RAD18: variants seen among roughly 807,000 people sequenced by gnomAD.
RAD18 encodes the protein E3 ubiquitin-protein ligase RAD18.
Under a neutral mutation model 60.4 loss-of-function variants are expected in RAD18, and 47 were observed. The observed-to-expected ratio is 0.78, with a 90% CI of 0.62 to 0.99. The LOEUF (loss-of-function observed/expected upper bound fraction) is 0.99. RAD18 is among the 50% of genes least tolerant of loss of function. The pLI is 0.00. For missense variants in RAD18, 640 were observed against 593.3 expected, an observed-to-expected ratio of 1.08 and a Z score of -0.82; for synonymous variants, 225 against 195.5, an observed-to-expected ratio of 1.15 and a Z score of -1.26.
At chr3:8,897,584 T>G (rs1226978837) in intron 11 of RAD18, among the ~76,000 whole-genome samples, 4 of 152,192 alleles carry the variant, frequency 2.6e-5, no homozygotes, top group African/African-American at 9.7e-5. Context: ...TGGTCTTGAC[T>G]GGTAGTCCCT....
intron 9 of RAD18, 72 bp downstream of exon 9, chr3:8,912,240 T>G: frequency 8.6e-7 from 1 of 1,162,628 alleles, no homozygotes; most frequent in Non-Finnish European, 1.2e-6. Context: ...AAAACATTAT[T>G]CTGAAAAATT....
chr3:8,914,845 T>C (rs1335198703), intron 7 of RAD18, among the ~76,000 whole-genome samples: 3 of 152,092 alleles, frequency 2.0e-5, no homozygotes, highest in African/African-American at 4.8e-5. Flanking sequence ...TTGTAAGATA[T>C]TAAGAAAACT....
intron 11 of RAD18, among the ~76,000 whole-genome samples, chr3:8,894,914 C>T (rs1031333538): frequency 3.9e-5 from 6 of 152,062 alleles, no homozygotes; most frequent in Admixed American, 3.9e-4. Context: ...GCACATGCTA[C>T]TGCGCCTGGC....
intron 4 of RAD18, among the ~76,000 whole-genome samples, chr3:8,944,243 G>A (rs528537435): frequency 6.6e-6 from 1 of 152,146 alleles, no homozygotes; most frequent in Admixed American, 6.5e-5. Flanking sequence ...AACTGACAAA[G>A]AAACAGAAAA....
chr3:8,887,039 G>A (rs1011568198), intron 12 of RAD18, among the ~76,000 whole-genome samples: 7 of 152,222 alleles, frequency 4.6e-5, no homozygotes, highest in Non-Finnish European at 1.0e-4. Flanking sequence ...GCTAGACAGT[G>A]GTTGCTGCAA....
chr3:8,962,641 A>G (rs1941110064), intron 1 of RAD18, among the ~76,000 whole-genome samples: 1 of 152,246 alleles, frequency 6.6e-6, no homozygotes, highest in Non-Finnish European at 1.5e-5. Context: ...TCTGCTCTTG[A>G]GCAAATCCAG....
intron 1 of RAD18, among the ~76,000 whole-genome samples, chr3:8,959,206 G>C (rs1441971356): frequency 2.0e-5 from 3 of 152,192 alleles, no homozygotes; most frequent in African/African-American, 7.2e-5. Flanking sequence ...TTCAGTCTCA[G>C]GTTGCCCAAA....
intron 11 of RAD18, among the ~76,000 whole-genome samples, chr3:8,896,589 C>T (rs1336496032): frequency 6.6e-6 from 1 of 152,204 alleles, no homozygotes; most frequent in African/African-American, 2.4e-5. Context: ...GTCCTTTCTA[C>T]CACAGAAGCA....
intron 7 of RAD18, among the ~76,000 whole-genome samples, chr3:8,927,354 A>T (rs1940459771): frequency 6.6e-6 from 1 of 152,220 alleles, no homozygotes; most frequent in Non-Finnish European, 1.5e-5. Context: ...TCAAAACCAC[A>T]ATGAGATACC....
At chr3:8,888,315 G>C (rs1050825223) in intron 12 of RAD18, among the ~76,000 whole-genome samples, 1 of 152,184 alleles carries the variant, frequency 6.6e-6, no homozygotes, top group African/African-American at 2.4e-5. Flanking sequence ...AATGTAGATA[G>C]AAGACCCCAA....
intron 7 of RAD18, among the ~76,000 whole-genome samples, chr3:8,918,340 A>G (rs969934555): frequency 1.4e-5 from 2 of 144,286 alleles, no homozygotes; most frequent in East Asian, 2.0e-4. Context: ...AAAAAAAAAA[A>G]GGGAAATTAT....
chr3:8,945,498 A>C (rs867985890), intron 4 of RAD18, among the ~76,000 whole-genome samples: 39 of 98,572 alleles, frequency 4.0e-4, no homozygotes, highest in African/African-American at 1.4e-3. Flanking sequence ...TTTGAGACGG[A>C]GTCTTACTCT....
At chr3:8,941,264 C>A (rs982264289) in intron 5 of RAD18, among the ~76,000 whole-genome samples, 1 of 152,150 alleles carries the variant, frequency 6.6e-6, no homozygotes, top group Middle Eastern at 3.2e-3. Context: ...AAATTGTTTC[C>A]TTTTTGTAGC....
At chr3:8,928,228 C>A (rs527673871) in intron 7 of RAD18, among the ~76,000 whole-genome samples, 1 of 151,388 alleles carries the variant, frequency 6.6e-6, no homozygotes, top group South Asian at 2.1e-4. Context: ...ACATAAAAAA[C>A]TAAAAAATAC....
chr3:8,882,642 C>A (rs1459715420), intron 12 of RAD18, among the ~76,000 whole-genome samples: 1 of 152,160 alleles, frequency 6.6e-6, no homozygotes, highest in Non-Finnish European at 1.5e-5. Context: ...AAGATATGCC[C>A]CTATTTGGTG....
intron 7 of RAD18, among the ~76,000 whole-genome samples, chr3:8,923,720 C>A (rs1412947053): frequency 1.3e-5 from 2 of 152,164 alleles, no homozygotes; most frequent in African/African-American, 2.4e-5. Context: ...GATCTCCTGG[C>A]AGAAACTTTA....
chr3:8,899,116 C>G, intron 10 of RAD18, 69 bp from the exon 11 acceptor site: 1 of 1,225,902 alleles, frequency 8.2e-7, no homozygotes, highest in Non-Finnish European at 1.1e-6. Flanking sequence ...TTCTGCAACA[C>G]TTAATACTGC....
At chr3:8,956,370 C>T (rs1032658078) in intron 2 of RAD18, among the ~76,000 whole-genome samples, 3 of 152,168 alleles carry the variant, frequency 2.0e-5, no homozygotes, top group Non-Finnish European at 2.9e-5. Flanking sequence ...AAACGATTAA[C>T]GGTAGATAGC....
At chr3:8,902,791 C>T (rs1261137548) in intron 9 of RAD18, among the ~76,000 whole-genome samples, 1 of 152,102 alleles carries the variant, frequency 6.6e-6, no homozygotes, top group African/African-American at 2.4e-5. Flanking sequence ...CTTTGGGAGG[C>T]CGAAGTAGGT....
Sources: gnomAD v4.1 joint callset for allele counts (sites outside exome capture counted in the v4.1 genomes callset) on GRCh38, gnomAD v4.1.1 for gene constraint, MANE v1.5 for transcripts, NCBI Gene and HGNC (gene_info 2026-07-23, HGNC 2026-07-21) for gene names.